SLC46A3: variants seen among roughly 807,000 people sequenced by gnomAD.
SLC46A3 encodes solute carrier family 46 member 3.
Under a neutral mutation model 38.5 loss-of-function variants are expected in SLC46A3, and 26 were observed. The observed-to-expected ratio is 0.68, with a 90% CI of 0.49 to 0.94. SLC46A3 has a LOEUF of 0.94. Among genes scored for constraint, SLC46A3 ranks in the 40% least tolerant of loss-of-function variants. SLC46A3 has a pLI of 0.00. For synonymous variants in SLC46A3, 185 were observed against 192.5 expected, an observed-to-expected ratio of 0.96 and a Z score of 0.32; for missense variants, 510 against 544.3, an observed-to-expected ratio of 0.94 and a Z score of 0.63.
intron 4 of SLC46A3, 60 bp from the exon 5 acceptor site, chr13:28,704,159 A>C: frequency 6.9e-6 from 10 of 1,453,658 alleles, no homozygotes; most frequent in African/African-American, 1.4e-5. Flanking sequence ...AAAACAACAA[A>C]CACAAACTAA....
In SLC46A3 at chr13:28,701,140, G is replaced by C; in HGVS notation, c.*357C>G. ...AGGTAAAGATTTCTCTTTGGTCTCA[G>C]TGTAAGAGCCTGGAATATGTCAGAG... On this transcript the variant is annotated 3_prime_UTR_variant, in exon 6 of 6. Transcript: ENST00000266943. The C allele has an allele frequency of 7.0e-7, 1 of 1,434,110 alleles. No individual in the cohort carries two copies. The highest frequency in any genetic ancestry group is 9.1e-7 in the Non-Finnish European group (1 of 1,093,988). The allele number at this position is 1,434,110 out of a possible 1,614,324, so 88.8% of individuals were successfully genotyped here. A position where few individuals can be genotyped will look rare whatever the true frequency, so the allele number is the denominator to read the frequency against.
At chr13:28,703,259 G>T (rs1423017322) in intron 5 of SLC46A3, among the ~76,000 whole-genome samples, 1 of 152,132 alleles carries the variant, frequency 6.6e-6, no homozygotes, top group Non-Finnish European at 1.5e-5. Flanking sequence ...TCTGGAAAGA[G>T]AACTCAATAG....
Position 28,712,713 on chromosome 13 carries a change from C to T in SLC46A3, c.1027G>A (p.Ala343Thr), listed in dbSNP as rs201296960. The T allele has an allele frequency of 2.0e-5, 32 of 1,603,040 alleles. No individual in the cohort carries two copies. The highest frequency in any genetic ancestry group is 1.1e-4 in the East Asian group (5 of 44,830). ...FTTMTGMAMT[A>T]FASTTLMMFL... ...ATCATCAGTGTTGTACTGGCAAACGCGGTCATAGCCATTCCTGTCATCGTG... is the reference window on the plus strand; with the variant it reads ...ATCATCAGTGTTGTACTGGCAAACGTGGTCATAGCCATTCCTGTCATCGTG... Residue 343 changes from alanine (A) to threonine (T), a missense_variant, in exon 3 of 6, where the codon GCG (alanine) becomes ACG (threonine). Transcript: ENST00000266943.
intron 1 of SLC46A3, among the ~76,000 whole-genome samples, chr13:28,718,258 G>A (rs576013106): frequency 9.2e-5 from 14 of 152,316 alleles, no homozygotes; most frequent in African/African-American, 3.4e-4. Flanking sequence ...TAGGACTCAA[G>A]CCGCCTTTGA....
rs569390591 is a variant in SLC46A3, at chr13:28,717,198, C to G, written c.189+612G>C. Among the ~76,000 whole-genome samples, 11 of 152,140 alleles carry G rather than the reference C, an allele frequency of 7.2e-5. No individual in the cohort carries two copies. The South Asian group carries it at 2.3e-3, about 32-fold the overall frequency. On this transcript the variant is annotated intron_variant, in intron 2 of 5. Transcript: ENST00000266943. ...ACATCTTTGGTGTCAACGGTGGGTACTCCCCACTCCAGATGTCCCCACACA... is the reference window on the plus strand; with the variant it reads ...ACATCTTTGGTGTCAACGGTGGGTAGTCCCCACTCCAGATGTCCCCACACA...
intron 4 of SLC46A3, chr13:28,704,327 G>A (rs1361430464): frequency 2.1e-6 from 1 of 471,612 alleles, no homozygotes; most frequent in Non-Finnish European, 3.8e-6. Flanking sequence ...TGTGAGAGAT[G>A]TTGGAAACTC....
intron 4 of SLC46A3, among the ~76,000 whole-genome samples, chr13:28,709,107 A>C (rs1026352672): frequency 6.6e-6 from 1 of 151,980 alleles, no homozygotes; most frequent in African/African-American, 2.4e-5. Flanking sequence ...TGATTACCTG[A>C]GGTCAGGAGT....
At position 28,701,322 on chromosome 13, in the gene SLC46A3, G is replaced by A; in HGVS notation, c.*175C>T. ...TACGCACAAAGTGCTCAAAGTGCGT[G>A]GTACCACAAGAAGCTAAAGCCAGGA... On this transcript the variant is annotated 3_prime_UTR_variant, in exon 6 of 6. Transcript: ENST00000266943. 1 of 1,426,342 alleles carries A rather than the reference G, an allele frequency of 7.0e-7. No individual in the cohort carries two copies. The allele number at this position is 1,426,342 out of a possible 1,614,324, so 88.4% of individuals were successfully genotyped here. A position where few individuals can be genotyped will look rare whatever the true frequency, so the allele number is the denominator to read the frequency against.
At position 28,713,468 on chromosome 13, in the gene SLC46A3, A is replaced by G; in HGVS notation, c.272T>C (p.Leu91Pro). ...TCCGTAGTGATCACTAATAGACAAA[A>G]GTATGAATGTAGACACTAGACCAGG... ...LIPGLVSTFI[L>P]LSISDHYGRK... Residue 91 changes from leucine to proline, a missense_variant, in exon 3 of 6, where the codon CTT (leucine) becomes CCT (proline). Transcript: ENST00000266943. 1 of 1,614,180 alleles carries G rather than the reference A, an allele frequency of 6.2e-7. No homozygotes were observed. Among genetic ancestry groups the G allele is most frequent in the East Asian group, 2.2e-5 (1 of 44,892 alleles).
In SLC46A3 at chr13:28,717,891, AG is replaced by A. The variant is rs773880994; in HGVS notation, c.107del (p.Thr36MetfsTer43). Reference sequence around the variant, plus strand: ...TATCAGATGAAAAAGTGTAGTTGCCAGTTTCTTCCCATATTCTCCGATAAAC... The same window carrying A: ...TATCAGATGAAAAAGTGTAGTTGCCATTTCTTCCCATATTCTCCGATAAAC... The part of the protein sequence containing the change: ...QYVYRRIWEE[T>X]GNYTFSSDSN... On this transcript the variant is annotated frameshift_variant, in exon 2 of 6. Transcript: ENST00000266943. LOFTEE classifies it high-confidence loss of function. The A allele has an allele frequency of 6.2e-7, 1 of 1,614,056 alleles. No individual in the cohort carries two copies. The highest frequency in any genetic ancestry group is 8.5e-7 in the Non-Finnish European group (1 of 1,180,044).
chr13:28,712,419 T>C (rs1476399118), intron 3 of SLC46A3, among the ~76,000 whole-genome samples: 2 of 152,216 alleles, frequency 1.3e-5, no homozygotes, highest in African/African-American at 2.4e-5. Flanking sequence ...GAAGAACTGA[T>C]TCATAAGAAG....
rs1004402435 is a variant in SLC46A3, at chr13:28,713,445, C to T, written c.295G>A (p.Gly99Arg). ...FILLSISDHY[G>R]RKFPMILSSV... ...GACAAAATCATAGGGAATTTTCGTC[C>T]GTAGTGATCACTAATAGACAAAAGT... Residue 99 changes from glycine (G) to arginine (R), a missense_variant, in exon 3 of 6, where the codon GGA becomes AGA. By Grantham distance (125) the Gly-to-Arg change is moderately radical. Transcript: ENST00000266943. 8.7e-6 allele frequency: 14 copies of T among 1,613,918 alleles called. No individual in the cohort carries two copies. Among genetic ancestry groups the T allele is most frequent in the Admixed American group, 3.3e-5 (2 of 60,000 alleles).
chr13:28,717,484 A>AATTTTTTTTT lies in SLC46A3; in HGVS notation c.189+325_189+326insAAAAAAAAAT, dbSNP rs1322198755. On this transcript the variant is annotated intron_variant, in intron 2 of 5. Transcript: ENST00000266943. ...CAGCCTGCCCTGCCCCAATTTTCAG[A>AATTTTTTTTT]CTTTTTTTTTTTTTTTTTTTTTTTT... Among the ~76,000 whole-genome samples the AATTTTTTTTT allele has an allele frequency of 9.6e-3, 898 of 93,856 alleles. 115 individuals are homozygous for AATTTTTTTTT. The highest frequency in any genetic ancestry group is 0.012 in the African/African-American group (319 of 27,644). The allele number at this position is 93,856 out of a possible 152,430, so 61.6% of individuals were successfully genotyped here.
chr13:28,708,875 G>A (rs1045438427), intron 4 of SLC46A3, among the ~76,000 whole-genome samples: 3 of 151,926 alleles, frequency 2.0e-5, no homozygotes, highest in African/African-American at 4.8e-5. Flanking sequence ...TGTGCTTTTG[G>A]TGTCATATCT....
chr13:28,704,820 T>A (rs978208607), intron 4 of SLC46A3, among the ~76,000 whole-genome samples: 1 of 152,214 alleles, frequency 6.6e-6, no homozygotes, highest in African/African-American at 2.4e-5. Context: ...CAACTGCCTC[T>A]GCCCTAAGGT....
Position 28,701,303 on chromosome 13 carries a change from C to G in SLC46A3, c.*194G>C. On this transcript the variant is annotated 3_prime_UTR_variant, in exon 6 of 6. Coordinates refer to ENST00000266943, the MANE Select transcript of SLC46A3 (RefSeq NM_181785.4). ...TTGCAAGTATATTGCATGATACGCACAAAGTGCTCAAAGTGCGTGGTACCA... is the reference window on the plus strand; with the variant it reads ...TTGCAAGTATATTGCATGATACGCAGAAAGTGCTCAAAGTGCGTGGTACCA... 1.4e-6 allele frequency: 2 copies of G among 1,417,908 alleles called. No individual in the cohort carries two copies. Among genetic ancestry groups the G allele is most frequent in the Non-Finnish European group, 1.8e-6 (2 of 1,088,908 alleles). 87.8% of individuals were successfully genotyped at this position (1,417,908 alleles called of 1,614,324 possible).
chr13:28,707,120 G>A (rs1000337639), intron 4 of SLC46A3, among the ~76,000 whole-genome samples: 2 of 151,962 alleles, frequency 1.3e-5, no homozygotes, highest in Non-Finnish European at 2.9e-5. Flanking sequence ...TTGTGGCACT[G>A]TTCACAATAG....
At position 28,713,457 on chromosome 13, in the gene SLC46A3, T is replaced by C; in HGVS notation, c.283A>G (p.Ser95Gly). 6.2e-7 allele frequency: 1 copy of C among 1,614,160 alleles called. No homozygotes were observed. Among genetic ancestry groups the C allele is most frequent in the Non-Finnish European group, 8.5e-7 (1 of 1,180,024 alleles). The change falls in exon 3 of 6, where the codon AGT becomes GGT. Residue 95 changes from serine to glycine, a missense_variant. Ser to Gly is a moderately conservative substitution (Grantham distance 56). Coordinates refer to ENST00000266943, the MANE Select transcript of SLC46A3 (RefSeq NM_181785.4). The stretch of plus-strand genomic sequence containing the variant: ...GGGAATTTTCGTCCGTAGTGATCAC[T>C]AATAGACAAAAGTATGAATGTAGAC... ...LVSTFILLSI[S>G]DHYGRKFPMI... is the part of the protein sequence containing the mutation.
At chr13:28,702,079 A>C (rs1294816490) in intron 5 of SLC46A3, among the ~76,000 whole-genome samples, 1 of 152,156 alleles carries the variant, frequency 6.6e-6, no homozygotes, top group Non-Finnish European at 1.5e-5. Flanking sequence ...TAAAATTAGA[A>C]TTACCTATTA....
Sources: gnomAD v4.1 joint callset for allele counts (sites outside exome capture counted in the v4.1 genomes callset) on GRCh38, gnomAD v4.1.1 for gene constraint, MANE v1.5 for transcripts, NCBI Gene and HGNC (gene_info 2026-07-23, HGNC 2026-07-21) for gene names.